Variants in PIBF1 observed in about 807,000 individuals in gnomAD.
The protein encoded by PIBF1 is progesterone-induced-blocking factor 1.
A neutral mutation model predicts 112.5 loss-of-function variants in PIBF1; 90 were observed. The observed-to-expected ratio is 0.80, with a 90% CI of 0.67 to 0.95. The LOEUF (loss-of-function observed/expected upper bound fraction) is 0.95, where lower values mean the gene tolerates loss of function less well. PIBF1 is among the 40% of genes least tolerant of loss of function. The probability of loss-of-function intolerance (pLI) is 0.00; values close to 1 mark genes in which losing one functional copy is unlikely to be tolerated. For synonymous variants in PIBF1, 301 were observed against 288.6 expected (o/e 1.04, Z -0.44); for missense variants, 915 against 852.3 (o/e 1.07, Z -0.92).
In PIBF1 at chr13:72,973,587, TC is replaced by T. The variant is rs762592894; in HGVS notation, c.1965-3del. The T allele has an allele frequency of 6.6e-7, 1 of 1,514,730 alleles. No homozygotes were observed. Among genetic ancestry groups the T allele is most frequent in the Non-Finnish European group, 9.0e-7 (1 of 1,116,690 alleles). The allele number at this position is 1,514,730 out of a possible 1,614,324, so 93.8% of individuals were successfully genotyped here. A position where few individuals can be genotyped will look rare whatever the true frequency, so the allele number is the denominator to read the frequency against. ...CTTTTTAAAACTGGGGTTTTTTTTT[TC>T]AGCAACTTAAATAAAGAAAAGTCAG... On this transcript the variant is annotated splice_region_variant and splice_polypyrimidine_tract_variant and intron_variant, in intron 15 of 17. Coordinates refer to ENST00000326291, the MANE Select transcript of PIBF1 (RefSeq NM_006346.4).
intron 14 of PIBF1, among the ~76,000 whole-genome samples, chr13:72,954,629 C>G (rs913907550): frequency 6.6e-6 from 1 of 152,162 alleles, no homozygotes; most frequent in Non-Finnish European, 1.5e-5. Flanking sequence ...AAGGCCTTCC[C>G]CTGTGGCCTG....
At chr13:72,845,326 T>C (rs2037820814) in intron 9 of PIBF1, among the ~76,000 whole-genome samples, 1 of 152,208 alleles carries the variant, frequency 6.6e-6, no homozygotes, top group South Asian at 2.1e-4. Context: ...CTCATTCCTT[T>C]TTATGGCTGT....
chr13:72,931,479 T>C (rs1291770860), intron 14 of PIBF1, among the ~76,000 whole-genome samples: 1 of 152,132 alleles, frequency 6.6e-6, no homozygotes, highest in East Asian at 1.9e-4. Context: ...ATGCCCAGAC[T>C]AAGTATAAAT....
At chr13:72,807,369 G>A (rs995791678) in intron 5 of PIBF1, among the ~76,000 whole-genome samples, 1 of 152,094 alleles carries the variant, frequency 6.6e-6, no homozygotes, top group South Asian at 2.1e-4. Context: ...GATGTCAAGA[G>A]TTTGAGACCA....
intron 12 of PIBF1, among the ~76,000 whole-genome samples, chr13:72,916,578 G>A (rs2041103832): frequency 6.6e-6 from 1 of 151,542 alleles, no homozygotes; most frequent in African/African-American, 2.4e-5. Context: ...AAAAAAGTAA[G>A]GCCATCAATA....
chr13:72,854,701 T>C (rs2038331117), intron 10 of PIBF1, among the ~76,000 whole-genome samples: 1 of 152,228 alleles, frequency 6.6e-6, no homozygotes, highest in Non-Finnish European at 1.5e-5. Flanking sequence ...TGTTTTTATT[T>C]ATCTTGGCTA....
chr13:72,890,245 G>A (rs1020648899), intron 10 of PIBF1, among the ~76,000 whole-genome samples: 4 of 152,072 alleles, frequency 2.6e-5, no homozygotes, highest in African/African-American at 4.8e-5. Context: ...TCTCTCCTGT[G>A]GTTATTTCTC....
chr13:72,896,147 G>A (rs940563594), intron 11 of PIBF1, among the ~76,000 whole-genome samples: 2 of 152,134 alleles, frequency 1.3e-5, no homozygotes, highest in African/African-American at 2.4e-5. Context: ...GAAAACCCCA[G>A]TACCAGCCTG....
chr13:72,848,114 G>GTTTGTT (rs1220945732), intron 9 of PIBF1, among the ~76,000 whole-genome samples: 1 of 152,068 alleles, frequency 6.6e-6, no homozygotes, highest in Non-Finnish European at 1.5e-5. Flanking sequence ...GGTTATTTTT[G>GTTTGTT]TTTGTTTTTG....
chr13:72,991,644 T>C (rs1426254198), intron 16 of PIBF1, among the ~76,000 whole-genome samples: 1 of 152,080 alleles, frequency 6.6e-6, no homozygotes, highest in Non-Finnish European at 1.5e-5. Flanking sequence ...ATCCCAGCAC[T>C]TTGGGAGCCT....
rs868060866 is a variant in PIBF1, at chr13:72,783,416, C to T, written c.-47-7C>T. On this transcript the variant is annotated splice_region_variant and splice_polypyrimidine_tract_variant and intron_variant, in intron 1 of 17. Transcript: ENST00000326291. ...GTACATTTGAATTAATGTTTTTTAACCTACAGAATATTAAAATCAAATTAG... is the reference window on the plus strand; with the variant it reads ...GTACATTTGAATTAATGTTTTTTAATCTACAGAATATTAAAATCAAATTAG... 2.0e-5 allele frequency: 24 copies of T among 1,191,098 alleles called. No individual in the cohort carries two copies. In the African/African-American group the frequency reaches 2.9e-4, roughly 15 times the overall value. The allele number at this position is 1,191,098 out of a possible 1,614,324, so 73.8% of individuals were successfully genotyped here.
At chr13:72,860,951 C>T (rs930340061) in intron 10 of PIBF1, among the ~76,000 whole-genome samples, 2 of 152,072 alleles carry the variant, frequency 1.3e-5, no homozygotes, top group African/African-American at 4.8e-5. Context: ...TGCATGTACT[C>T]CTAAGATTCT....
In PIBF1 at chr13:72,792,521, A is replaced by T; in HGVS notation, c.327A>T (p.Gln109His). The change falls in exon 3 of 18, where the codon CAA becomes CAT. Residue 109 changes from glutamine to histidine, a missense_variant. By Grantham distance (24) the Gln-to-His change is conservative. Transcript: ENST00000326291. The part of the protein sequence containing the change: ...KQLLTLRLDN[Q>H]LAFQQKDASK... ...TACTAACATTGAGATTAGACAACCA[A>T]TTGGCTTTTCAACAGAAAGATGCCA... 6.4e-7 allele frequency: 1 copy of T among 1,560,120 alleles called. No homozygotes were observed. The highest frequency in any genetic ancestry group is 8.6e-7 in the Non-Finnish European group (1 of 1,157,132).
At chr13:72,894,879 C>G (rs1471932398) in intron 11 of PIBF1, among the ~76,000 whole-genome samples, 1 of 151,270 alleles carries the variant, frequency 6.6e-6, no homozygotes, top group Non-Finnish European at 1.5e-5. Context: ...AATCCCAGCA[C>G]TTTTGGAGGC....
In PIBF1 at chr13:72,969,081, T is replaced by A. The variant is rs558084154; in HGVS notation, c.1964+3677T>A. On this transcript the variant is annotated intron_variant, in intron 15 of 17. Coordinates refer to ENST00000326291, the MANE Select transcript of PIBF1 (RefSeq NM_006346.4). ...GAGAGTGGTCCTAACAGCACCCGAT[T>A]GATAGGGTTGTTCTGAGGAATAAAT... Among the ~76,000 whole-genome samples the A allele has an allele frequency of 1.2e-4, 18 of 152,104 alleles. No homozygotes were observed. In the South Asian group the frequency reaches 3.7e-3, roughly 32 times the overall value.
At chr13:72,920,783 G>GTCGCACTCC (rs2041259390) in intron 13 of PIBF1, among the ~76,000 whole-genome samples, 1 of 151,414 alleles carries the variant, frequency 6.6e-6, no homozygotes, top group Non-Finnish European at 1.5e-5. Context: ...GGGCAACATA[G>GTCGCACTCC]AGAGACTCCC....
At chr13:72,951,521 A>C (rs1416339460) in intron 14 of PIBF1, among the ~76,000 whole-genome samples, 1 of 152,118 alleles carries the variant, frequency 6.6e-6, no homozygotes, top group Non-Finnish European at 1.5e-5. Context: ...GGGGTGGAAA[A>C]ACAGGACAGA....
intron 3 of PIBF1, 32 bp from the exon 4 acceptor site, chr13:72,795,327 T>A (rs2035136898): frequency 1.5e-6 from 2 of 1,367,682 alleles, no homozygotes; most frequent in African/African-American, 1.5e-5. Flanking sequence ...AATACTTTTT[T>A]AAAGCCTGCC....
intron 5 of PIBF1, among the ~76,000 whole-genome samples, chr13:72,806,192 C>G (rs12584188): frequency 6.6e-6 from 1 of 152,160 alleles, no homozygotes; most frequent in South Asian, 2.1e-4. Context: ...CCACTAGACA[C>G]TGATTCTCCC....
Sources: allele counts gnomAD v4.1 joint callset (sites outside exome capture counted in the v4.1 genomes callset), GRCh38; gene constraint gnomAD v4.1.1; transcripts MANE v1.5; gene names NCBI Gene and HGNC (gene_info 2026-07-23, HGNC 2026-07-21).